The following SLC22A12 variants were observed in gnomAD, a reference collection of about 807,000 sequenced individuals.
SLC22A12 encodes organic anion transporter 4-like protein.
A neutral mutation model predicts 52.7 loss-of-function variants in SLC22A12; 56 were observed. That is an observed-to-expected ratio of 1.06 (90% CI 0.86 to 1.33). The LOEUF (loss-of-function observed/expected upper bound fraction) is 1.33. Ranked by LOEUF, SLC22A12 falls within the 40% of genes most tolerant of loss-of-function variation. The pLI, the probability that SLC22A12 is intolerant of heterozygous loss-of-function variation, is 0.00. For missense variants in SLC22A12, 683 were observed against 741.5 expected (o/e 0.92, Z 0.92); for synonymous variants, 337 against 324.6 (o/e 1.04, Z -0.41).
rs887612879 is a variant in SLC22A12, at chr11:64,592,168, G to A, written c.402+210G>A. 1.8e-4 allele frequency among the ~76,000 whole-genome samples: 28 copies of A among 152,306 alleles called. 1 individual carries two copies. The highest frequency in any genetic ancestry group is 7.3e-5 in the Non-Finnish European group (5 of 68,030). On this transcript the variant is annotated intron_variant, in intron 1 of 9. Coordinates refer to ENST00000377574, the MANE Select transcript of SLC22A12 (RefSeq NM_144585.4). ...ATGGGGCCAGCCCAGGCTCTTGGAGGTGCGGGGGGCACCTGGGCGGGCACC... is the reference window on the plus strand; with the variant it reads ...ATGGGGCCAGCCCAGGCTCTTGGAGATGCGGGGGGCACCTGGGCGGGCACC...
chr11:64,598,447 C>T, intron 4 of SLC22A12, 69 bp from the exon 5 acceptor site: 1 of 1,546,184 alleles, frequency 6.5e-7, no homozygotes, highest in Admixed American at 2.0e-5. Flanking sequence ...GGGTAGCAGT[C>T]TGAGGCTGGC....
At chr11:64,596,247 A>AATGGATGGATGGATGGAATGGATGG (rs1554987853) in intron 4 of SLC22A12, among the ~76,000 whole-genome samples, 11 of 32,902 alleles carry the variant, frequency 3.3e-4, no homozygotes, top group South Asian at 1.3e-3. Context: ...GGATGGATGG[A>AATGGATGGATGGATGGAATGGATGG]ATGGATGGAT....
rs1326886764 is a variant in SLC22A12, at chr11:64,591,893, A to T, written c.337A>T (p.Thr113Ser). Residue 113 changes from threonine to serine, a missense_variant, in exon 1 of 10, where the codon ACG becomes TCG. Thr to Ser is a moderately conservative substitution (Grantham distance 58). Transcript: ENST00000377574. ...ATATSWSEAD[T>S]EPCVDGWVYD... is the part of the protein sequence containing the mutation. ...GGCCACCAGCTGGAGCGAGGCCGAC[A>T]CGGAGCCGTGTGTGGATGGCTGGGT... is the stretch of plus-strand genomic sequence containing the variant. 1.9e-6 allele frequency: 3 copies of T among 1,612,526 alleles called. No homozygotes were observed. The highest frequency in any genetic ancestry group is 1.7e-5 in the Admixed American group (1 of 60,006).
At chr11:64,601,452 C>T in intron 9 of SLC22A12, 36 bp from the exon 10 acceptor site, 4 of 1,607,156 alleles carry the variant, frequency 2.5e-6, no homozygotes, top group Non-Finnish European at 3.4e-6. Flanking sequence ...GGCCACTCCG[C>T]ACCCCAAGAC....
At chr11:64,597,350 TCC>T (rs951261653) in intron 4 of SLC22A12, among the ~76,000 whole-genome samples, 5 of 151,982 alleles carry the variant, frequency 3.3e-5, no homozygotes, top group Middle Eastern at 3.4e-3. Context: ...TGGTCCTGCC[TCC>T]CCCACTGACC....
intron 4 of SLC22A12, among the ~76,000 whole-genome samples, chr11:64,595,618 ATGG>A (rs1178930209): frequency 7.2e-6 from 1 of 139,538 alleles, no homozygotes; most frequent in African/African-American, 2.8e-5. Flanking sequence ...GGTTGAATGG[ATGG>A]ATAGATGGAT....
chr11:64,595,311 ATGG>A (rs2039115412), intron 4 of SLC22A12, among the ~76,000 whole-genome samples: 2 of 109,676 alleles, frequency 1.8e-5, no homozygotes, highest in Non-Finnish European at 1.8e-5. Context: ...GGATGGATGG[ATGG>A]ATGGATGGAT....
chr11:64,598,419 C>T, intron 4 of SLC22A12, 97 bp from the exon 5 acceptor site: 1 of 1,522,818 alleles, frequency 6.6e-7, no homozygotes, highest in Non-Finnish European at 8.9e-7. Flanking sequence ...AAGCCTTGGG[C>T]CTGGAGCAGT....
chr11:64,591,417 G>A lies in SLC22A12; in HGVS notation c.-140G>A, dbSNP rs2038912295. The A allele has an allele frequency of 1.7e-6, 2 of 1,174,296 alleles. No individual in the cohort carries two copies. The highest frequency in any genetic ancestry group is 2.4e-6 in the Non-Finnish European group (2 of 831,002). 72.7% of individuals were successfully genotyped at this position (1,174,296 alleles called of 1,614,324 possible). A position where few individuals can be genotyped will look rare whatever the true frequency, so the allele number is the denominator to read the frequency against. Reference sequence around the variant, plus strand: ...AGAGAGCCTGAGCCTCCGGCCCCGAGTCTGTGAAGCCTAGCCGCTGGGCTG... The same window carrying A: ...AGAGAGCCTGAGCCTCCGGCCCCGAATCTGTGAAGCCTAGCCGCTGGGCTG... On this transcript the variant is annotated 5_prime_UTR_variant, in exon 1 of 10. Coordinates refer to ENST00000377574, the MANE Select transcript of SLC22A12 (RefSeq NM_144585.4).
chr11:64,594,873 G>C (rs2039051905), intron 4 of SLC22A12, among the ~76,000 whole-genome samples: 1 of 144,234 alleles, frequency 6.9e-6, no homozygotes, highest in South Asian at 2.3e-4. Context: ...ATGGATGGTT[G>C]GAATGGATGG....
At chr11:64,599,960 C>T in intron 7 of SLC22A12, 70 bp downstream of exon 7, 1 of 1,536,542 alleles carries the variant, frequency 6.5e-7, no homozygotes, top group Non-Finnish European at 8.8e-7. Flanking sequence ...AACAGCACCC[C>T]TCCTTGGAGG....
intron 4 of SLC22A12, among the ~76,000 whole-genome samples, chr11:64,596,707 C>G (rs1725006336): frequency 6.6e-6 from 1 of 152,172 alleles, no homozygotes; most frequent in Non-Finnish European, 1.5e-5. Flanking sequence ...ACATCTCATA[C>G]AGTGGCTCCA....
chr11:64,598,829 G>T lies in SLC22A12; in HGVS notation c.976G>T (p.Glu326Ter). The T allele has an allele frequency of 6.2e-7, 1 of 1,612,532 alleles. No homozygotes were observed. ...ACAGGTCTTGCTTTCAGCCATGCGG[G>T]AGGAGCTGAGCATGGGCCAGCCTCC... ...TPEVLLSAMR[E>*]ELSMGQPPAS... The change falls in exon 6 of 10, where the codon GAG becomes TAG. Residue 326 changes from glutamate (E) to a stop codon, truncating the protein, a stop_gained. Transcript: ENST00000377574. LOFTEE classifies it high-confidence loss of function.
In SLC22A12 at chr11:64,593,589, G is replaced by A. The variant is rs2038991312; in HGVS notation, c.661+30G>A. 1.2e-6 allele frequency: 2 copies of A among 1,614,124 alleles called. 1 individual carries two copies. ...GTCTCTGACCTGGCGCCATGCAGGG[G>A]GGCTCCATGCAGGCTCCAGGGCTGA... On this transcript the variant is annotated intron_variant, in intron 3 of 9. Coordinates refer to ENST00000377574, the MANE Select transcript of SLC22A12 (RefSeq NM_144585.4).
Position 64,592,832 on chromosome 11 carries a change from C to T in SLC22A12, c.456C>T (p.Tyr152=). Residue 152 remains tyrosine (Y), a synonymous_variant, in exon 2 of 10, where the codon TAC becomes TAT. Transcript: ENST00000377574. ...HALKPMAQSI[Y]LAGILVGAAA... Reference sequence around the variant, plus strand: ...TGAAGCCCATGGCCCAGTCCATCTACCTGGCTGGGATTCTGGTGGGAGCTG... The same window carrying T: ...TGAAGCCCATGGCCCAGTCCATCTATCTGGCTGGGATTCTGGTGGGAGCTG... 1.2e-6 allele frequency: 2 copies of T among 1,613,974 alleles called. No individual in the cohort carries two copies. Among genetic ancestry groups the T allele is most frequent in the East Asian group, 2.2e-5 (1 of 44,872 alleles).
At position 64,600,512 on chromosome 11, in the gene SLC22A12, T is replaced by G. The variant is rs764064486; in HGVS notation, c.1394+37T>G. The G allele has an allele frequency of 1.1e-5, 16 of 1,515,460 alleles. No individual in the cohort carries two copies. The South Asian group carries it at 1.7e-4, about 16-fold the overall frequency. The allele number at this position is 1,515,460 out of a possible 1,614,324, so 93.9% of individuals were successfully genotyped here. On this transcript the variant is annotated intron_variant, in intron 8 of 9. Transcript: ENST00000377574. The stretch of plus-strand genomic sequence containing the variant: ...CCTGGGCTCCAGGAGAGGGGAGCCC[T>G]GGGCTGAGCTGCGGGGCACCCCCAG...
intron 6 of SLC22A12, 85 bp from the exon 7 acceptor site, chr11:64,599,591 G>GCCCCCC: frequency 8.4e-5 from 52 of 617,134 alleles, no homozygotes; most frequent in South Asian, 3.9e-4. Context: ...CCCACCCTGA[G>GCCCCCC]CCCCCACCGC....
At chr11:64,594,998 G>A (rs867560476) in intron 4 of SLC22A12, among the ~76,000 whole-genome samples, 1 of 135,298 alleles carries the variant, frequency 7.4e-6, no homozygotes, top group African/African-American at 2.8e-5. Flanking sequence ...TGGATGGATG[G>A]ATGGATGGAT....
intron 4 of SLC22A12, among the ~76,000 whole-genome samples, chr11:64,594,530 A>G (rs1365952935): frequency 6.6e-6 from 1 of 152,250 alleles, no homozygotes; most frequent in African/African-American, 2.4e-5. Context: ...AGGTAGATAG[A>G]TAGAGACAGA....
Sources: allele counts gnomAD v4.1 joint callset (sites outside exome capture counted in the v4.1 genomes callset), GRCh38; gene constraint gnomAD v4.1.1; transcripts MANE v1.5; gene names NCBI Gene and HGNC (gene_info 2026-07-23, HGNC 2026-07-21).